HUNK: variants seen among roughly 807,000 people sequenced by gnomAD.
HUNK encodes the protein hormonally up-regulated neu tumor-associated kinase.
Under a neutral mutation model 61.0 loss-of-function variants are expected in HUNK, and 21 were observed. The observed-to-expected ratio is 0.34, with a 90% confidence interval of 0.24 to 0.50. HUNK has a LOEUF of 0.50. HUNK is among the 20% of genes least tolerant of loss of function. The pLI is 0.98. For missense variants in HUNK, 772 were observed against 945.7 expected, an observed-to-expected ratio of 0.82 and a Z score of 2.41; for synonymous variants, 371 against 386.1, an observed-to-expected ratio of 0.96 and a Z score of 0.46.
chr21:31,939,902 T>G lies in HUNK; in HGVS notation c.555-263T>G, dbSNP rs542104115. On this transcript the variant is annotated intron_variant, in intron 2 of 10. Transcript: ENST00000270112. ...TTCCAGGTTCCAGTTTAGGTCTTGCTTTTTCCAGAAACTTTTCATGATCCC... is the reference window on the plus strand; with the variant it reads ...TTCCAGGTTCCAGTTTAGGTCTTGCGTTTTCCAGAAACTTTTCATGATCCC... Among the ~76,000 whole-genome samples the G allele has an allele frequency of 3.9e-3, 598 of 152,174 alleles. 2 individuals carry two copies. The highest frequency in any genetic ancestry group is 5.2e-3 in the Non-Finnish European group (353 of 68,004).
chr21:31,883,975 G>A (rs543856779), intron 1 of HUNK, among the ~76,000 whole-genome samples: 11 of 152,240 alleles, frequency 7.2e-5, no homozygotes, highest in East Asian at 1.9e-4. Context: ...ATTCTGCCCC[G>A]ACCCTTACCA....
intron 3 of HUNK, among the ~76,000 whole-genome samples, chr21:31,943,544 T>C (rs2052782711): frequency 6.6e-6 from 1 of 152,254 alleles, no homozygotes; most frequent in Non-Finnish European, 1.5e-5. Context: ...AGCAAACTGG[T>C]TGTTTCTCTA....
At chr21:31,961,748 T>C (rs1601399989) in intron 5 of HUNK, among the ~76,000 whole-genome samples, 1 of 152,238 alleles carries the variant, frequency 6.6e-6, no homozygotes, top group East Asian at 1.9e-4. Flanking sequence ...GCCTGTTTTA[T>C]TCAAGTGACC....
intron 1 of HUNK, among the ~76,000 whole-genome samples, chr21:31,890,736 A>G (rs1041219240): frequency 2.0e-5 from 3 of 152,220 alleles, no homozygotes; most frequent in Admixed American, 6.5e-5. Flanking sequence ...CTTTTGACAT[A>G]TTGCCACATT....
intron 8 of HUNK, among the ~76,000 whole-genome samples, chr21:31,985,646 C>T (rs1325231083): frequency 1.3e-5 from 2 of 152,150 alleles, no homozygotes; most frequent in Non-Finnish European, 2.9e-5. Context: ...AGCCAGAAGG[C>T]AGTGATGCTG....
chr21:31,947,757 G>T (rs896732827), intron 4 of HUNK, among the ~76,000 whole-genome samples: 1 of 152,188 alleles, frequency 6.6e-6, no homozygotes, highest in African/African-American at 2.4e-5. Context: ...TGATGGTACA[G>T]GGTCAGTTCA....
At chr21:31,945,013 C>T (rs944458805) in intron 3 of HUNK, among the ~76,000 whole-genome samples, 2 of 152,078 alleles carry the variant, frequency 1.3e-5, no homozygotes, top group Admixed American at 1.3e-4. Flanking sequence ...AGAATACATT[C>T]GTGAAACTGG....
intron 1 of HUNK, among the ~76,000 whole-genome samples, chr21:31,922,573 C>T (rs945892310): frequency 4.7e-4 from 71 of 152,108 alleles, no homozygotes; most frequent in African/African-American, 1.5e-3. Flanking sequence ...GTAATTCACC[C>T]TCCTCGGCCT....
At chr21:31,912,443 G>A (rs2052553048) in intron 1 of HUNK, among the ~76,000 whole-genome samples, 1 of 152,174 alleles carries the variant, frequency 6.6e-6, no homozygotes, top group Non-Finnish European at 1.5e-5. Flanking sequence ...TGAGTTACAG[G>A]GGAAAATAGG....
chr21:31,896,567 GA>G (rs1568919102), intron 1 of HUNK, among the ~76,000 whole-genome samples: 2 of 152,202 alleles, frequency 1.3e-5, no homozygotes, highest in African/African-American at 4.8e-5. Context: ...GTTGGGTCAA[GA>G]AAAAAACAAA....
intron 1 of HUNK, among the ~76,000 whole-genome samples, chr21:31,894,360 T>G (rs2052411084): frequency 6.6e-6 from 1 of 152,202 alleles, no homozygotes; most frequent in South Asian, 2.1e-4. Context: ...AATCCATTTT[T>G]AGACTCAGAA....
At chr21:31,945,688 C>T (rs1205072207) in intron 3 of HUNK, among the ~76,000 whole-genome samples, 1 of 152,158 alleles carries the variant, frequency 6.6e-6, no homozygotes, top group Non-Finnish European at 1.5e-5. Flanking sequence ...TTCTTTCTTC[C>T]TGCCTTCATC....
intron 7 of HUNK, among the ~76,000 whole-genome samples, chr21:31,979,108 CT>C (rs57678620): frequency 3.3e-4 from 47 of 142,204 alleles, no homozygotes; most frequent in East Asian, 4.1e-4. Context: ...TTGGCCATTT[CT>C]TTTTTTTTTT....
At chr21:31,915,847 T>C (rs1015384168) in intron 1 of HUNK, among the ~76,000 whole-genome samples, 1 of 152,142 alleles carries the variant, frequency 6.6e-6, no homozygotes. Flanking sequence ...AACCCTGAGA[T>C]AGAGTTCAGC....
At chr21:31,971,271 C>T (rs1424211772) in intron 6 of HUNK, among the ~76,000 whole-genome samples, 1 of 151,832 alleles carries the variant, frequency 6.6e-6, no homozygotes, top group Non-Finnish European at 1.5e-5. Context: ...GAGGTTTCAC[C>T]ATGTTGCCCA....
At chr21:31,927,519 C>T (rs1429389715) in intron 2 of HUNK, among the ~76,000 whole-genome samples, 2 of 152,066 alleles carry the variant, frequency 1.3e-5, no homozygotes, top group African/African-American at 4.8e-5. Context: ...TGGCAGGTGC[C>T]TGTAGTGCCA....
chr21:31,894,170 A>T (rs554437144), intron 1 of HUNK, among the ~76,000 whole-genome samples: 7 of 152,340 alleles, frequency 4.6e-5, no homozygotes, highest in South Asian at 2.1e-4. Context: ...TTAAAGTATT[A>T]AATGTCAAAT....
intron 9 of HUNK, among the ~76,000 whole-genome samples, chr21:31,995,478 C>T (rs1035044534): frequency 6.6e-6 from 1 of 152,194 alleles, no homozygotes; most frequent in Non-Finnish European, 1.5e-5. Flanking sequence ...GGGCTTGTTC[C>T]AGAAGAATTG....
intron 2 of HUNK, among the ~76,000 whole-genome samples, chr21:31,928,377 A>G (rs187249244): frequency 8.3e-4 from 126 of 152,320 alleles, no homozygotes; most frequent in African/African-American, 2.9e-3. Context: ...TTTTAAAGTA[A>G]TTTTAACAAA....
Sources: allele counts gnomAD v4.1 joint callset (sites outside exome capture counted in the v4.1 genomes callset), GRCh38; gene constraint gnomAD v4.1.1; transcripts MANE v1.5; gene names NCBI Gene and HGNC (gene_info 2026-07-23, HGNC 2026-07-21).